The following SPACA7 variants were observed in gnomAD, a reference collection of about 807,000 sequenced individuals.
SPACA7 encodes the protein sperm acrosome associated 7, also known as sperm acrosome-associated protein 7.
A neutral mutation model predicts 26.3 loss-of-function variants in SPACA7; 19 were observed. The ratio of observed to expected loss-of-function variants is 0.72; its 90% CI spans 0.50 to 1.06. SPACA7 has a LOEUF of 1.06. Among genes scored for constraint, SPACA7 ranks in the 50% least tolerant of loss-of-function variants. The pLI is 0.00. For synonymous variants in SPACA7, 84 were observed against 84.5 expected, an observed-to-expected ratio of 0.99 and a Z score of 0.04; for missense variants, 211 against 229.9, an observed-to-expected ratio of 0.92 and a Z score of 0.53.
In SPACA7 at chr13:112,399,177, A is replaced by T. The variant is rs756399522; in HGVS notation, c.349+4A>T. 26 of 1,469,548 alleles carry T rather than the reference A, an allele frequency of 1.8e-5. No individual in the cohort carries two copies. Among genetic ancestry groups the T allele is most frequent in the Non-Finnish European group, 2.5e-5 (26 of 1,048,598 alleles). 91.0% of individuals were successfully genotyped at this position (1,469,548 alleles called of 1,614,324 possible). A position where few individuals can be genotyped will look rare whatever the true frequency, so the allele number is the denominator to read the frequency against. ...GAGGTCAAAATTTCCAATGATGGTA[A>T]ATGCAACCCAGTAATTACCCCTTCC... On this transcript the variant is annotated splice_donor_region_variant and intron_variant, in intron 4 of 6. Transcript: ENST00000283550.
rs576790812 is a variant in SPACA7 at position 112,413,295 on chromosome 13, G to A, written c.445+12131G>A. On this transcript the variant is annotated intron_variant, in intron 5 of 6. Coordinates refer to ENST00000283550, the MANE Select transcript of SPACA7 (RefSeq NM_145248.5). ...ATGTGAATTCTCTCGGCTTTTGTTT[G>A]TCTGGGAAAGTATTTCTTTTTCAGG... is the stretch of plus-strand genomic sequence containing the variant. 1.2e-4 allele frequency among the ~76,000 whole-genome samples: 19 copies of A among 152,010 alleles called. No homozygotes were observed. In the South Asian group the frequency reaches 3.9e-3, roughly 32 times the overall value.
At chr13:112,404,432 A>G (rs1020619388) in intron 5 of SPACA7, among the ~76,000 whole-genome samples, 60 of 152,226 alleles carry the variant, frequency 3.9e-4, no homozygotes, top group African/African-American at 1.3e-3. Flanking sequence ...ATTAAGTCCC[A>G]TCTATCTTTG....
At chr13:112,387,203 T>G (rs113994592) in intron 1 of SPACA7, among the ~76,000 whole-genome samples, 3,411 of 152,330 alleles carry the variant, frequency 0.022, 119 homozygotes, top group African/African-American at 0.077. Context: ...TAGGGCTAAC[T>G]AGGACATGAA....
intron 5 of SPACA7, 36 bp from the exon 6 acceptor site, chr13:112,432,408 A>G: frequency 6.6e-7 from 1 of 1,508,174 alleles, no homozygotes; most frequent in Non-Finnish European, 9.2e-7. Flanking sequence ...AATTATTTAC[A>G]AAGAGTGATC....
At chr13:112,430,693 C>T (rs9324298) in intron 5 of SPACA7, among the ~76,000 whole-genome samples, 15,972 of 152,112 alleles carry the variant, frequency 0.11, 1,974 homozygotes, top group African/African-American at 0.29. Context: ...GCCTCATCTA[C>T]GCATGAAGAC....
intron 2 of SPACA7, among the ~76,000 whole-genome samples, chr13:112,397,432 C>T (rs9549512): frequency 0.28 from 42,223 of 152,126 alleles, 6,526 homozygotes; most frequent in Non-Finnish European, 0.36. Context: ...GCATACACTG[C>T]TTTATTGGAC....
chr13:112,394,818 G>A (rs1455896677), intron 2 of SPACA7, among the ~76,000 whole-genome samples: 1 of 152,234 alleles, frequency 6.6e-6, no homozygotes, highest in Non-Finnish European at 1.5e-5. Context: ...CAGAGAAACA[G>A]TGGCCTCAGA....
chr13:112,431,317 G>A (rs1877116446), intron 5 of SPACA7, among the ~76,000 whole-genome samples: 1 of 152,146 alleles, frequency 6.6e-6, no homozygotes. Context: ...CTTCCTTGTT[G>A]CCAGAAAACC....
intron 5 of SPACA7, among the ~76,000 whole-genome samples, chr13:112,413,542 T>C (rs531884974): frequency 2.6e-5 from 4 of 152,322 alleles, no homozygotes; most frequent in African/African-American, 9.6e-5. Flanking sequence ...GAGAGCTTGA[T>C]TATTCGATAA....
chr13:112,410,158 T>C (rs1253751018), intron 5 of SPACA7, among the ~76,000 whole-genome samples: 1 of 151,982 alleles, frequency 6.6e-6, no homozygotes, highest in Non-Finnish European at 1.5e-5. Context: ...TAGGTGGGAA[T>C]TGAACAATGA....
At chr13:112,415,138 G>A (rs929840252) in intron 5 of SPACA7, among the ~76,000 whole-genome samples, 3 of 152,232 alleles carry the variant, frequency 2.0e-5, no homozygotes, top group African/African-American at 7.2e-5. Flanking sequence ...GGCTCCCAAA[G>A]TCCCTCACTC....
chr13:112,383,070 G>GAC (rs1566452545), intron 1 of SPACA7, among the ~76,000 whole-genome samples: 126 of 140,176 alleles, frequency 9.0e-4, no homozygotes, highest in African/African-American at 3.1e-3. Context: ...GAGACAGAAA[G>GAC]AGAAAGAAAG....
At chr13:112,392,584 A>C (rs1945491195) in intron 1 of SPACA7, among the ~76,000 whole-genome samples, 1 of 152,198 alleles carries the variant, frequency 6.6e-6, no homozygotes, top group African/African-American at 2.4e-5. Context: ...CTCCAGGTGC[A>C]TGCACTGTGG....
intron 2 of SPACA7, among the ~76,000 whole-genome samples, chr13:112,393,941 G>A (rs558330838): frequency 2.5e-4 from 37 of 148,154 alleles, no homozygotes; most frequent in South Asian, 8.4e-4. Flanking sequence ...AGCTGAGATC[G>A]CAGCATTGCC....
At chr13:112,412,370 G>C (rs1447555685) in intron 5 of SPACA7, among the ~76,000 whole-genome samples, 2 of 152,030 alleles carry the variant, frequency 1.3e-5, no homozygotes, top group Non-Finnish European at 2.9e-5. Context: ...TTTCTTGTCA[G>C]ATGGATAGTT....
intron 6 of SPACA7, among the ~76,000 whole-genome samples, chr13:112,433,866 T>C (rs72670925): frequency 0.044 from 6,736 of 152,260 alleles, 204 homozygotes; most frequent in Non-Finnish European, 0.056. Context: ...TGTGCCACTG[T>C]CCAGGACAAC....
chr13:112,430,172 C>CTGTGTGTGTGTGTGTGTGTGTGTG (rs1254393630), intron 5 of SPACA7, among the ~76,000 whole-genome samples: 3 of 122,878 alleles, frequency 2.4e-5, no homozygotes, highest in Non-Finnish European at 3.6e-5. Context: ...GCATCTCTCT[C>CTGTGTGTGTGTGTGTGTGTGTGTG]TCTGTGTGTG....
At chr13:112,408,064 A>G (rs1388978490) in intron 5 of SPACA7, among the ~76,000 whole-genome samples, 1 of 152,144 alleles carries the variant, frequency 6.6e-6, no homozygotes, top group African/African-American at 2.4e-5. Flanking sequence ...GCTGGTTCAA[A>G]GTACGCAAAT....
intron 5 of SPACA7, among the ~76,000 whole-genome samples, chr13:112,412,446 CT>C (rs1886411057): frequency 6.6e-6 from 1 of 151,998 alleles, no homozygotes; most frequent in African/African-American, 2.4e-5. Flanking sequence ...TGTGTAGGAG[CT>C]TTTTAGCTTG....
Sources: allele counts gnomAD v4.1 joint callset (sites outside exome capture counted in the v4.1 genomes callset), GRCh38; gene constraint gnomAD v4.1.1; transcripts MANE v1.5; gene names NCBI Gene and HGNC (gene_info 2026-07-23, HGNC 2026-07-21).